The following ARHGAP8 variants were observed in gnomAD, a reference collection of about 807,000 sequenced individuals.
The protein encoded by ARHGAP8 is Rho GTPase activating protein 8.
ARHGAP8 carries 62 observed loss-of-function variants against 46.1 expected under a neutral mutation model. The observed-to-expected ratio is 1.34, with a 90% CI of 1.10 to 1.66. ARHGAP8 has a LOEUF of 1.66. Ranked by LOEUF, ARHGAP8 falls within the 40% of genes most tolerant of loss-of-function variation. The probability of loss-of-function intolerance (pLI) is 0.00; values close to 1 mark genes in which losing one functional copy is unlikely to be tolerated. For missense variants in ARHGAP8, 923 were observed against 568.4 expected (o/e 1.62, Z -6.34); for synonymous variants, 375 against 243.1 (o/e 1.54, Z -5.05).
intron 2 of ARHGAP8, among the ~76,000 whole-genome samples, chr22:44,791,062 C>T (rs1293348415): frequency 1.3e-5 from 2 of 152,072 alleles, no homozygotes; most frequent in African/African-American, 4.8e-5. Flanking sequence ...GTGCCTCCCT[C>T]CACTTGCTCT....
intron 1 of ARHGAP8, among the ~76,000 whole-genome samples, chr22:44,782,394 G>T (rs1926906753): frequency 6.6e-6 from 1 of 152,056 alleles, no homozygotes; most frequent in South Asian, 2.1e-4. Context: ...CACAATTCAG[G>T]GCTGTCGAGT....
At chr22:44,841,130 G>A (rs557605808) in intron 7 of ARHGAP8, among the ~76,000 whole-genome samples, 13 of 152,332 alleles carry the variant, frequency 8.5e-5, no homozygotes, top group African/African-American at 3.1e-4. Context: ...ATCTGCCGTG[G>A]CCCTCGTAGG....
chr22:44,836,611 C>A (rs914262897), intron 7 of ARHGAP8, among the ~76,000 whole-genome samples: 7 of 151,238 alleles, frequency 4.6e-5, no homozygotes, highest in Non-Finnish European at 7.4e-5. Flanking sequence ...ACATGCACTG[C>A]CCATTTCTCT....
At chr22:44,786,414 T>C (rs1927238348) in intron 1 of ARHGAP8, 43 bp from the exon 2 acceptor site, 3 of 1,548,560 alleles carry the variant, frequency 1.9e-6, no homozygotes, top group Non-Finnish European at 2.6e-6. Flanking sequence ...TTCCCCGCCT[T>C]ACTGGAGAAT....
At chr22:44,851,750 GATC>G (rs1283336018) in intron 10 of ARHGAP8, among the ~76,000 whole-genome samples, 1 of 152,104 alleles carries the variant, frequency 6.6e-6, no homozygotes, top group African/African-American at 2.4e-5. Context: ...TGAGGTGGGA[GATC>G]ACCTGAGCCT....
At chr22:44,811,314 C>G (rs1335043568) in intron 4 of ARHGAP8, among the ~76,000 whole-genome samples, 1 of 152,224 alleles carries the variant, frequency 6.6e-6, no homozygotes, top group African/African-American at 2.4e-5. Flanking sequence ...GGTAACGGCA[C>G]CAGCCCGGGG....
intron 2 of ARHGAP8, chr22:44,801,762 G>A (rs5766039): frequency 0.28 from 89,439 of 324,440 alleles, 13,828 homozygotes; most frequent in East Asian, 0.42. Flanking sequence ...AGTCAGATGC[G>A]TCTCGATTTA....
chr22:44,794,569 G>A (rs976761766), intron 2 of ARHGAP8, among the ~76,000 whole-genome samples: 1 of 152,060 alleles, frequency 6.6e-6, no homozygotes, highest in African/African-American at 2.4e-5. Context: ...AATTAGCCAG[G>A]CATGGTGGTG....
At chr22:44,766,671 C>T (rs182134044) in intron 1 of ARHGAP8, among the ~76,000 whole-genome samples, 12 of 152,314 alleles carry the variant, frequency 7.9e-5, no homozygotes, top group Admixed American at 3.9e-4. Context: ...CTTCCGGGGG[C>T]TCTCTCTGGG....
chr22:44,842,485 T>C (rs1931717686), intron 7 of ARHGAP8, among the ~76,000 whole-genome samples: 1 of 152,180 alleles, frequency 6.6e-6, no homozygotes. Flanking sequence ...AGGTTTTTGG[T>C]TGTCGTGGAA....
At chr22:44,759,714 A>T (rs1266551617) in intron 1 of ARHGAP8, among the ~76,000 whole-genome samples, 1 of 152,118 alleles carries the variant, frequency 6.6e-6, no homozygotes, top group Non-Finnish European at 1.5e-5. Context: ...CTGAAGGGAG[A>T]TGGTCAGGGA....
intron 7 of ARHGAP8, among the ~76,000 whole-genome samples, chr22:44,831,661 T>TC (rs1274627974): frequency 6.6e-6 from 1 of 152,150 alleles, no homozygotes; most frequent in Non-Finnish European, 1.5e-5. Flanking sequence ...ATCATGCCAT[T>TC]ACACTCCAGC....
chr22:44,862,426 A>T lies in ARHGAP8; in HGVS notation c.1133A>T (p.Glu378Val). 6.2e-7 allele frequency: 1 copy of T among 1,614,070 alleles called. No individual in the cohort carries two copies. Among genetic ancestry groups the T allele is most frequent in the Non-Finnish European group, 8.5e-7 (1 of 1,179,982 alleles). The change falls in exon 12 of 12, where the codon GAA becomes GTA. Residue 378 changes from glutamate (E) to valine (V), a missense_variant. By Grantham distance (121) the Glu-to-Val change is moderately radical (BLOSUM62 -2). Transcript: ENST00000356099. ...ACTGAACTGCTGATCGAGTACTATG[A>T]AAAGATCTTCAGCACCCCGGAGGCA... ...MFTELLIEYY[E>V]KIFSTPEAPG...
intron 2 of ARHGAP8, among the ~76,000 whole-genome samples, chr22:44,797,893 G>A (rs1427515942): frequency 2.0e-5 from 3 of 151,880 alleles, no homozygotes; most frequent in East Asian, 3.9e-4. Flanking sequence ...CTGCAGCCTC[G>A]AATTCCTGAG....
At position 44,794,607 on chromosome 22, in the gene ARHGAP8, G is replaced by A. The variant is rs1468501483; in HGVS notation, c.80-7470G>A. 2.0e-5 allele frequency among the ~76,000 whole-genome samples: 3 copies of A among 152,258 alleles called. No individual in the cohort carries two copies. The East Asian group carries it at 5.8e-4, about 29-fold the overall frequency. On this transcript the variant is annotated intron_variant, in intron 2 of 11. Transcript: ENST00000356099. ...CACCTGTAGTCCCAGCTACCGTGGA[G>A]GCTGAGGCAGAAGAATTGCTTGAAC...
chr22:44,793,335 G>A (rs1927839885), intron 2 of ARHGAP8, among the ~76,000 whole-genome samples: 1 of 152,158 alleles, frequency 6.6e-6, no homozygotes, highest in East Asian at 1.9e-4. Context: ...GAGACGTGGA[G>A]GGTGGTGAGT....
chr22:44,803,237 C>A (rs879730532), intron 3 of ARHGAP8, among the ~76,000 whole-genome samples: 1 of 152,148 alleles, frequency 6.6e-6, no homozygotes, highest in African/African-American at 2.4e-5. Flanking sequence ...CTCCCAGTGC[C>A]ACCCAGGTGC....
chr22:44,814,626 T>G, intron 4 of ARHGAP8, 46 bp from the exon 5 acceptor site: 1 of 1,580,532 alleles, frequency 6.3e-7, no homozygotes, highest in Non-Finnish European at 8.6e-7. Flanking sequence ...GTGGGGTGTT[T>G]CTCGGAGCGC....
At chr22:44,828,662 A>C (rs1283607161) in intron 7 of ARHGAP8, among the ~76,000 whole-genome samples, 1 of 151,832 alleles carries the variant, frequency 6.6e-6, no homozygotes, top group East Asian at 2.0e-4. Context: ...CATGTTGGCC[A>C]GGCTGGTCTT....
Sources: gnomAD v4.1 joint callset for allele counts (sites outside exome capture counted in the v4.1 genomes callset) on GRCh38, gnomAD v4.1.1 for gene constraint, MANE v1.5 for transcripts, NCBI Gene and HGNC (gene_info 2026-07-23, HGNC 2026-07-21) for gene names.